Variants in MYO7B observed in about 807,000 individuals in gnomAD.
MYO7B encodes the protein unconventional myosin-VIIb.
Under a neutral mutation model 259.7 loss-of-function variants are expected in MYO7B, and 212 were observed. The observed-to-expected ratio is 0.82, with a 90% CI of 0.73 to 0.91. The LOEUF is 0.91. Ranked by LOEUF, MYO7B falls within the 40% of genes least tolerant of loss-of-function variation. The probability of loss-of-function intolerance (pLI) is 0.00; values close to 1 mark genes in which losing one functional copy is unlikely to be tolerated. For synonymous variants in MYO7B, 1,197 were observed against 1,166.4 expected (o/e 1.03, Z -0.54); for missense variants, 2,732 against 2,813.5 (o/e 0.97, Z 0.66).
At chr2:127,541,022 A>G (rs1692984130) in intron 1 of MYO7B, among the ~76,000 whole-genome samples, 1 of 152,210 alleles carries the variant, frequency 6.6e-6, no homozygotes, top group East Asian at 1.9e-4. Context: ...TCATATCTAT[A>G]ATGTGGGATA....
chr2:127,573,374 T>C (rs1182737686), intron 6 of MYO7B, among the ~76,000 whole-genome samples: 2 of 152,218 alleles, frequency 1.3e-5, no homozygotes, highest in East Asian at 3.8e-4. Flanking sequence ...GTGGATCACA[T>C]CAGAAAACTT....
At chr2:127,542,533 T>C (rs1338625593) in intron 1 of MYO7B, among the ~76,000 whole-genome samples, 1 of 152,136 alleles carries the variant, frequency 6.6e-6, no homozygotes, top group Non-Finnish European at 1.5e-5. Context: ...ACAACCCCTG[T>C]TGACAGTAAA....
intron 34 of MYO7B, 27 bp from the exon 35 acceptor site, chr2:127,629,618 C>G (rs746419294): frequency 1.2e-6 from 2 of 1,603,144 alleles, no homozygotes; most frequent in East Asian, 4.5e-5. Flanking sequence ...GCAGAGCCCT[C>G]AGCAAATAGC....
intron 1 of MYO7B, among the ~76,000 whole-genome samples, chr2:127,550,019 C>T (rs1215207115): frequency 6.6e-6 from 1 of 152,174 alleles, no homozygotes; most frequent in Non-Finnish European, 1.5e-5. Context: ...GCTCCTGGTA[C>T]TTTTGGCATT....
rs1373511850 is a variant in MYO7B at position 127,613,073 on chromosome 2, G to A, written c.3398+470G>A. Reference sequence around the variant, plus strand: ...TGATTGTTCACTGCTTTAAGGGACTGACTACTGTGTTTTAGGGGTTCACTT... The same window carrying A: ...TGATTGTTCACTGCTTTAAGGGACTAACTACTGTGTTTTAGGGGTTCACTT... On this transcript the variant is annotated intron_variant, in intron 26 of 47. Transcript: ENST00000409816. The surrounding 1 kb of genome is among the most constrained non-coding windows in gnomAD (Gnocchi z 4.3). Among the ~76,000 whole-genome samples, 3 of 152,208 alleles carry A rather than the reference G, an allele frequency of 2.0e-5. No homozygotes were observed. Among genetic ancestry groups the A allele is most frequent in the South Asian group, 4.1e-4 (2 of 4,832 alleles).
intron 5 of MYO7B, among the ~76,000 whole-genome samples, chr2:127,568,308 A>G (rs982987769): frequency 3.3e-5 from 5 of 152,226 alleles, no homozygotes; most frequent in Non-Finnish European, 7.3e-5. Flanking sequence ...GGCAGTGTGA[A>G]CAAGGAGAGG....
At chr2:127,633,751 CA>C (rs1681644220) in intron 40 of MYO7B, among the ~76,000 whole-genome samples, 2 of 152,112 alleles carry the variant, frequency 1.3e-5, no homozygotes, top group African/African-American at 4.8e-5. Flanking sequence ...ACAAAGGGGC[CA>C]GGGGGCAGGT....
rs1681788908 is a variant in MYO7B at position 127,636,137 on chromosome 2, G to C, written c.6007-71G>C. 3 of 1,320,404 alleles carry C rather than the reference G, an allele frequency of 2.3e-6. No individual in the cohort carries two copies. The South Asian group carries it at 3.8e-5, about 17-fold the overall frequency. The allele number at this position is 1,320,404 out of a possible 1,614,324, so 81.8% of individuals were successfully genotyped here. A position where few individuals can be genotyped will look rare whatever the true frequency, so the allele number is the denominator to read the frequency against. On this transcript the variant is annotated intron_variant, in intron 44 of 47. Coordinates refer to ENST00000409816, the MANE Select transcript of MYO7B (RefSeq NM_001393586.1). The surrounding 1 kb of genome is among the most constrained non-coding windows in gnomAD (Gnocchi z 4.5). ...CACCGTACTAGCCCTGGGGTAGGCA[G>C]GTGCTGCCCCCACCAGGGCTTTGGA...
intron 1 of MYO7B, among the ~76,000 whole-genome samples, chr2:127,556,783 A>G (rs1391718189): frequency 4.6e-5 from 7 of 152,308 alleles, no homozygotes; most frequent in Middle Eastern, 3.4e-3. Context: ...GTTTTCCTTT[A>G]TAGGTTACCT....
At position 127,549,014 on chromosome 2, in the gene MYO7B, C is replaced by T. The variant is rs1425741848; in HGVS notation, c.-23-10686C>T. On this transcript the variant is annotated intron_variant, in intron 1 of 47. Transcript: ENST00000409816. ...TACATGTTAATAATTGTCATGTCTTCTTTGATAAATTTATCCCTTTATCAT... is the reference window on the plus strand; with the variant it reads ...TACATGTTAATAATTGTCATGTCTTTTTTGATAAATTTATCCCTTTATCAT... Among the ~76,000 whole-genome samples the T allele has an allele frequency of 1.4e-4, 21 of 152,170 alleles. 1 individual carries two copies. The highest frequency in any genetic ancestry group is 1.4e-3 in the Admixed American group (21 of 15,270).
Position 127,634,618 on chromosome 2 carries a change from A to C in MYO7B, c.5648A>C (p.Asp1883Ala). Residue 1883 changes from aspartate (D) to alanine (A), a missense_variant, in exon 42 of 48, where the codon GAC becomes GCC. This residue lies in a region of MYO7B where 821 missense variants were observed against 769.3 expected (regional missense o/e 1.07). Transcript: ENST00000409816. ...CAGGTCATCAGCCAGAAGGAGGGAG[A>C]CTTCTTCTTTGATTCCTTGAGGGAG... ...SDKVISQKEG[D>A]FFFDSLREVS... is the part of the protein sequence containing the mutation. 1 of 1,612,722 alleles carries C rather than the reference A, an allele frequency of 6.2e-7. No homozygotes were observed. Among genetic ancestry groups the C allele is most frequent in the Non-Finnish European group, 8.5e-7 (1 of 1,179,420 alleles).
chr2:127,548,092 G>A (rs759110637), intron 1 of MYO7B, among the ~76,000 whole-genome samples: 3 of 152,082 alleles, frequency 2.0e-5, no homozygotes, highest in South Asian at 4.1e-4. Flanking sequence ...CTAAGTTACC[G>A]AATGTGTTGT....
chr2:127,637,661 T>TGACA lies in MYO7B; in HGVS notation c.*246_*249dup, dbSNP rs577277367. On this transcript the variant is annotated 3_prime_UTR_variant, in exon 48 of 48. Transcript: ENST00000409816. ...CCCAGGCTATTGGTGGATGACTGACTGACAGGACACCTCCCAACCCCACCC... is the reference window on the plus strand; with the variant it reads ...CCCAGGCTATTGGTGGATGACTGACTGACAGACAGGACACCTCCCAACCCCACCC... 140 of 427,304 alleles carry TGACA rather than the reference T, an allele frequency of 3.3e-4. No homozygotes were observed. Among genetic ancestry groups the TGACA allele is most frequent in the African/African-American group, 2.7e-3 (133 of 49,738 alleles). 26.5% of individuals were successfully genotyped at this position (427,304 alleles called of 1,614,324 possible).
intron 12 of MYO7B, among the ~76,000 whole-genome samples, chr2:127,582,889 T>C (rs1048109375): frequency 2.6e-5 from 4 of 152,228 alleles, no homozygotes; most frequent in Non-Finnish European, 5.9e-5. Context: ...ATCCCAGTGT[T>C]CTGGCACCCC....
chr2:127,558,463 A>G (rs1677919654), intron 1 of MYO7B, among the ~76,000 whole-genome samples: 1 of 152,220 alleles, frequency 6.6e-6, no homozygotes, highest in Non-Finnish European at 1.5e-5. Context: ...CTAAAAGTAG[A>G]ACTTCCATTT....
rs150569658 is a variant in MYO7B at position 127,588,252 on chromosome 2, G to A, written c.1691-140G>A. ...GGGGGCCATGCCTGGGTAGAGGGGT[G>A]GAGAGCATGGCCGTAGTGGGGCCAT... On this transcript the variant is annotated intron_variant, in intron 14 of 47. Transcript: ENST00000409816. 2.2e-5 allele frequency: 20 copies of A among 927,200 alleles called. No homozygotes were observed. The Admixed American group carries it at 4.2e-4, about 20-fold the overall frequency. 57.4% of individuals were successfully genotyped at this position (927,200 alleles called of 1,614,324 possible). A position where few individuals can be genotyped will look rare whatever the true frequency, so the allele number is the denominator to read the frequency against.
At chr2:127,630,973 A>C (rs1681464349) in intron 36 of MYO7B, 65 bp downstream of exon 36, 1 of 1,455,804 alleles carries the variant, frequency 6.9e-7, no homozygotes. Flanking sequence ...ACCTCATTGC[A>C]CCCCCTGCTC....
chr2:127,618,560 A>G (rs1277738838), intron 26 of MYO7B, among the ~76,000 whole-genome samples: 2 of 152,208 alleles, frequency 1.3e-5, no homozygotes, highest in Non-Finnish European at 2.9e-5. Flanking sequence ...CGGCAGACGC[A>G]GTTTGTCAGT....
Position 127,577,349 on chromosome 2 carries a change from C to A in MYO7B, c.849+641C>A, listed in dbSNP as rs1268903179. 6.6e-6 allele frequency among the ~76,000 whole-genome samples: 1 copy of A among 152,194 alleles called. No homozygotes were observed. Among genetic ancestry groups the A allele is most frequent in the Non-Finnish European group, 1.5e-5 (1 of 68,024 alleles). ...ATGGGTCCCCCATCGCCAGTCTTGA[C>A]CTCTAATCTGTCATCTACCCTGCAG... On this transcript the variant is annotated intron_variant, in intron 8 of 47. Coordinates refer to ENST00000409816, the MANE Select transcript of MYO7B (RefSeq NM_001393586.1). This position sits in a 1 kb window ranked among gnomAD's most constrained non-coding sequence, Gnocchi z 5.2.
Sources: gnomAD v4.1 joint callset for allele counts (sites outside exome capture counted in the v4.1 genomes callset) on GRCh38, gnomAD v4.1.1 for gene constraint, gnomAD v4.1.1 regional missense constraint, Gnocchi (gnomAD v3.1) non-coding constraint, MANE v1.5 for transcripts, NCBI Gene and HGNC (gene_info 2026-07-23, HGNC 2026-07-21) for gene names.